Variants in AK8 observed in about 807,000 individuals in gnomAD.
AK8 encodes the protein ATP-AMP transphosphorylase 8.
In AK8, 44 loss-of-function variants were observed where a neutral mutation model predicts 54.6. The observed-to-expected ratio is 0.81, with a 90% CI of 0.63 to 1.04. The LOEUF (loss-of-function observed/expected upper bound fraction) is 1.04. Among genes scored for constraint, AK8 ranks in the 50% least tolerant of loss-of-function variants. The pLI is 0.00. For synonymous variants in AK8, 239 were observed against 245.6 expected, an observed-to-expected ratio of 0.97 and a Z score of 0.25; for missense variants, 555 against 613.6, an observed-to-expected ratio of 0.90 and a Z score of 1.01.
intron 5 of AK8, among the ~76,000 whole-genome samples, chr9:132,833,037 T>C (rs1271139378): frequency 1.3e-5 from 2 of 152,154 alleles, no homozygotes; most frequent in African/African-American, 2.4e-5. Flanking sequence ...CCCCACTGTA[T>C]GGAGAAGGCA....
At chr9:132,775,608 C>T (rs917014807) in intron 11 of AK8, among the ~76,000 whole-genome samples, 2 of 152,192 alleles carry the variant, frequency 1.3e-5, no homozygotes, top group Non-Finnish European at 2.9e-5. Flanking sequence ...TGTGCCTGGC[C>T]TCATGTCTGT....
At chr9:132,747,896 C>A (rs1237126368) in intron 11 of AK8, among the ~76,000 whole-genome samples, 1 of 150,634 alleles carries the variant, frequency 6.6e-6, no homozygotes, top group Non-Finnish European at 1.5e-5. Flanking sequence ...CAGGGGAGTT[C>A]GAGACCAGCC....
chr9:132,852,029 T>G (rs1209618821), intron 5 of AK8, among the ~76,000 whole-genome samples: 2 of 151,934 alleles, frequency 1.3e-5, no homozygotes, highest in Non-Finnish European at 1.5e-5. Flanking sequence ...CACAGAAAGA[T>G]ACAGTCTCAG....
intron 5 of AK8, among the ~76,000 whole-genome samples, chr9:132,840,153 A>G (rs1482679529): frequency 6.6e-6 from 1 of 152,060 alleles, no homozygotes; most frequent in Non-Finnish European, 1.5e-5. Flanking sequence ...ATGGCTCTCA[A>G]TGCTGCCACA....
chr9:132,794,830 C>T (rs1840090151), intron 10 of AK8, among the ~76,000 whole-genome samples: 2 of 152,190 alleles, frequency 1.3e-5, no homozygotes, highest in South Asian at 4.1e-4. Flanking sequence ...TCAGCTCCTC[C>T]CTTTCTTGCT....
At chr9:132,824,184 A>G (rs1379428199) in intron 8 of AK8, among the ~76,000 whole-genome samples, 2 of 152,172 alleles carry the variant, frequency 1.3e-5, no homozygotes, top group Non-Finnish European at 2.9e-5. Flanking sequence ...AAGGCTAATG[A>G]GGCTGTAAAG....
At chr9:132,829,461 T>C (rs905812250) in intron 5 of AK8, among the ~76,000 whole-genome samples, 1 of 152,192 alleles carries the variant, frequency 6.6e-6, no homozygotes, top group African/African-American at 2.4e-5. Flanking sequence ...AACATCTTTG[T>C]GCATCTAGCG....
At chr9:132,806,913 C>T (rs2131224180) in intron 10 of AK8, among the ~76,000 whole-genome samples, 1 of 152,230 alleles carries the variant, frequency 6.6e-6, no homozygotes, top group East Asian at 1.9e-4. Context: ...AAATCTCCCG[C>T]CTTTTCTCGG....
chr9:132,869,927 C>T (rs1843744550), intron 2 of AK8, among the ~76,000 whole-genome samples: 1 of 152,250 alleles, frequency 6.6e-6, no homozygotes, highest in East Asian at 1.9e-4. Flanking sequence ...AGTGGGGAAC[C>T]TGGGTCCACT....
intron 11 of AK8, among the ~76,000 whole-genome samples, chr9:132,771,535 G>A (rs1362199341): frequency 6.6e-6 from 1 of 152,154 alleles, no homozygotes; most frequent in Non-Finnish European, 1.5e-5. Context: ...GACTGAAAGG[G>A]CGCCTCTTGT....
intron 11 of AK8, among the ~76,000 whole-genome samples, chr9:132,783,544 C>T (rs529501331): frequency 4.1e-4 from 57 of 138,870 alleles, no homozygotes; most frequent in African/African-American, 1.5e-3. Flanking sequence ...ATAGGTGCTA[C>T]CAAAAAATGG....
chr9:132,817,908 T>C (rs1841401524), intron 9 of AK8, among the ~76,000 whole-genome samples: 1 of 152,162 alleles, frequency 6.6e-6, no homozygotes, highest in Non-Finnish European at 1.5e-5. Flanking sequence ...TAAGTCACAC[T>C]TCGATACATC....
At chr9:132,789,597 C>CAAAAAAAAAAAAA (rs578003731) in intron 11 of AK8, among the ~76,000 whole-genome samples, 51 of 57,476 alleles carry the variant, frequency 8.9e-4, no homozygotes, top group East Asian at 1.9e-3. Context: ...ACTCATCTCA[C>CAAAAAAAAAAAAA]AAAAAAAAAA....
intron 1 of AK8, among the ~76,000 whole-genome samples, chr9:132,877,466 C>T (rs868007307): frequency 2.0e-5 from 3 of 152,218 alleles, no homozygotes; most frequent in Non-Finnish European, 4.4e-5. Context: ...CCTTGCCTCT[C>T]AGAACCTTTG....
intron 2 of AK8, among the ~76,000 whole-genome samples, chr9:132,874,685 C>T (rs1305710295): frequency 6.6e-6 from 1 of 152,148 alleles, no homozygotes; most frequent in Non-Finnish European, 1.5e-5. Flanking sequence ...ATAATGAGAC[C>T]GTCGGAAAAG....
chr9:132,727,357 T>C (rs1020794633), intron 12 of AK8, 97 bp downstream of exon 12: 53 of 1,140,312 alleles, frequency 4.6e-5, no homozygotes, highest in Non-Finnish European at 6.6e-5. Context: ...GTCACCAGTG[T>C]TATCCCTGCA....
At chr9:132,759,957 C>T (rs988464836) in intron 11 of AK8, among the ~76,000 whole-genome samples, 1 of 83,998 alleles carries the variant, frequency 1.2e-5, no homozygotes, top group African/African-American at 4.6e-5. Flanking sequence ...AAAAGAACCA[C>T]TACCAACAAT....
chr9:132,829,343 C>G (rs73549171), intron 5 of AK8, among the ~76,000 whole-genome samples: 1 of 152,094 alleles, frequency 6.6e-6, no homozygotes, highest in Non-Finnish European at 1.5e-5. Context: ...ACATTATCAA[C>G]GGCTGTGCAA....
intron 10 of AK8, among the ~76,000 whole-genome samples, chr9:132,795,601 C>T (rs1840132122): frequency 6.6e-6 from 1 of 152,172 alleles, no homozygotes; most frequent in Admixed American, 6.5e-5. Context: ...ATCCTATCCC[C>T]ACGATTCACC....
Sources: gnomAD v4.1 joint callset for allele counts (sites outside exome capture counted in the v4.1 genomes callset) on GRCh38, gnomAD v4.1.1 for gene constraint, MANE v1.5 for transcripts, NCBI Gene and HGNC (gene_info 2026-07-23, HGNC 2026-07-21) for gene names.